Variants in PDGFC observed in about 807,000 individuals in gnomAD.
The protein encoded by PDGFC is platelet derived growth factor C, also known as platelet-derived growth factor C.
PDGFC carries 12 observed loss-of-function variants against 35.5 expected under a neutral mutation model. The ratio of observed to expected loss-of-function variants is 0.34; its 90% CI spans 0.22 to 0.55. PDGFC has a LOEUF of 0.55. Ranked by LOEUF, PDGFC falls within the 20% of genes least tolerant of loss-of-function variation. The probability of loss-of-function intolerance (pLI) is 0.91; values close to 1 mark genes in which losing one functional copy is unlikely to be tolerated. For synonymous variants in PDGFC, 159 were observed against 148.8 expected (o/e 1.07, Z -0.50); for missense variants, 322 against 412.4 (o/e 0.78, Z 1.90).
At chr4:156,953,576 A>G (rs763536140) in intron 1 of PDGFC, among the ~76,000 whole-genome samples, 51 of 151,988 alleles carry the variant, frequency 3.4e-4, no homozygotes, top group Non-Finnish European at 5.9e-4. Flanking sequence ...TGTACTCTCA[A>G]TAGTGGTTCT....
intron 3 of PDGFC, chr4:156,779,107 C>A: frequency 2.2e-6 from 1 of 456,104 alleles, no homozygotes. Flanking sequence ...GCCTAAGCAG[C>A]AGACAGGGCA....
At position 156,962,247 on chromosome 4, in the gene PDGFC, T is replaced by A. The variant is rs185513456; in HGVS notation, c.118+8539A>T. ...CTCGATGCTTCTTGTCTCTCGCCCATGATATATGCCTCTTCATGCCTCTAT... is the reference window on the plus strand; with the variant it reads ...CTCGATGCTTCTTGTCTCTCGCCCAAGATATATGCCTCTTCATGCCTCTAT... On this transcript the variant is annotated intron_variant, in intron 1 of 5. Transcript: ENST00000502773. Among the ~76,000 whole-genome samples the A allele has an allele frequency of 8.6e-4, 131 of 152,258 alleles. 1 individual carries two copies. Among genetic ancestry groups the A allele is most frequent in the African/African-American group, 2.9e-3 (120 of 41,568 alleles).
At chr4:156,926,596 G>C (rs1490817418) in intron 1 of PDGFC, among the ~76,000 whole-genome samples, 1 of 152,148 alleles carries the variant, frequency 6.6e-6, no homozygotes, top group Non-Finnish European at 1.5e-5. Flanking sequence ...AAATTCACTG[G>C]GCAGTCAAAT....
intron 1 of PDGFC, 150 bp from the exon 2 acceptor site, chr4:156,850,566 T>C: frequency 2.4e-6 from 1 of 424,202 alleles, no homozygotes; most frequent in Middle Eastern, 6.1e-4. Flanking sequence ...CCAGAACTGA[T>C]CCAGAAAAAA....
intron 1 of PDGFC, among the ~76,000 whole-genome samples, chr4:156,872,238 A>C (rs551364541): frequency 2.6e-5 from 4 of 152,318 alleles, no homozygotes; most frequent in South Asian, 4.1e-4. Context: ...GTATGTGTAC[A>C]TAAGCCCAAT....
rs962037510 is a variant in PDGFC at position 156,866,247 on chromosome 4, G to A, written c.119-15831C>T. On this transcript the variant is annotated intron_variant, in intron 1 of 5. Coordinates refer to ENST00000502773, the MANE Select transcript of PDGFC (RefSeq NM_016205.3). The stretch of plus-strand genomic sequence containing the variant: ...TTGCGATAGTTTGCTGAGAATGATG[G>A]TTTCCAGTTTCATCCATGTCCCTAC... Among the ~76,000 whole-genome samples the A allele has an allele frequency of 3.9e-5, 6 of 152,050 alleles. No homozygotes were observed. The East Asian group carries it at 1.2e-3, about 29-fold the overall frequency.
intron 1 of PDGFC, among the ~76,000 whole-genome samples, chr4:156,920,720 G>T (rs1230466695): frequency 6.6e-6 from 1 of 151,424 alleles, no homozygotes; most frequent in African/African-American, 2.4e-5. Flanking sequence ...TGTCCTGTGG[G>T]TTGGGAATAG....
At chr4:156,812,849 A>T (rs553624669) in intron 2 of PDGFC, among the ~76,000 whole-genome samples, 23 of 152,254 alleles carry the variant, frequency 1.5e-4, no homozygotes, top group African/African-American at 5.3e-4. Context: ...TTTGTCTCCC[A>T]TCTCTGTCCT....
chr4:156,827,144 A>G lies in PDGFC; in HGVS notation c.315-16127T>C, dbSNP rs985315349. Among the ~76,000 whole-genome samples, 7 of 152,322 alleles carry G rather than the reference A, an allele frequency of 4.6e-5. 1 individual carries two copies. The highest frequency in any genetic ancestry group is 4.1e-4 in the South Asian group (2 of 4,834). ...TTTAGTAAGAACAGATTGGCTGGGC[A>G]CAGTGGCACACGCCTGAAATTCCAG... On this transcript the variant is annotated intron_variant, in intron 2 of 5. Transcript: ENST00000502773.
chr4:156,826,484 G>A (rs1728755824), intron 2 of PDGFC, among the ~76,000 whole-genome samples: 1 of 152,026 alleles, frequency 6.6e-6, no homozygotes, highest in African/African-American at 2.4e-5. Flanking sequence ...GTACAGGAAT[G>A]AGCCACCATG....
rs1447907755 is a variant in PDGFC at position 156,971,500 on chromosome 4, G to C, written c.-597C>G. ...GGGCCGGGGCGCCGGAGCGGGGCCGGGGGGCTCCGGGCCGACGGCGGCCCG... is the reference window on the plus strand; with the variant it reads ...GGGCCGGGGCGCCGGAGCGGGGCCGCGGGGCTCCGGGCCGACGGCGGCCCG... On this transcript the variant is annotated 5_prime_UTR_variant, in exon 1 of 6. Transcript: ENST00000502773. The C allele has an allele frequency of 1.4e-5, 3 of 209,184 alleles. No homozygotes were observed. Among genetic ancestry groups the C allele is most frequent in the Non-Finnish European group, 1.9e-5 (2 of 107,044 alleles). 13.0% of individuals were successfully genotyped at this position (209,184 alleles called of 1,614,324 possible). A position where few individuals can be genotyped will look rare whatever the true frequency, so the allele number is the denominator to read the frequency against.
chr4:156,924,131 T>C (rs1353975959), intron 1 of PDGFC, among the ~76,000 whole-genome samples: 1 of 152,220 alleles, frequency 6.6e-6, no homozygotes, highest in Non-Finnish European at 1.5e-5. Flanking sequence ...CTCAATATGT[T>C]GGCCAAACGA....
intron 2 of PDGFC, among the ~76,000 whole-genome samples, chr4:156,813,939 G>A (rs542209743): frequency 6.6e-6 from 1 of 152,044 alleles, no homozygotes; most frequent in African/African-American, 2.4e-5. Flanking sequence ...AGATATCTTT[G>A]CTTACTTTAC....
intron 1 of PDGFC, among the ~76,000 whole-genome samples, chr4:156,851,234 A>T (rs888193074): frequency 2.0e-5 from 3 of 152,180 alleles, no homozygotes; most frequent in African/African-American, 7.2e-5. Context: ...AGATCAAAAT[A>T]ATGGTCTCAA....
intron 1 of PDGFC, among the ~76,000 whole-genome samples, chr4:156,894,217 A>G (rs1444038085): frequency 6.6e-6 from 1 of 152,222 alleles, no homozygotes; most frequent in Non-Finnish European, 1.5e-5. Context: ...ATTTTATCTT[A>G]GTAATCTTGA....
At chr4:156,884,598 A>G (rs1730330432) in intron 1 of PDGFC, among the ~76,000 whole-genome samples, 1 of 152,252 alleles carries the variant, frequency 6.6e-6, no homozygotes, top group African/African-American at 2.4e-5. Flanking sequence ...AAAGATGCAG[A>G]AGTAAAAGTA....
At chr4:156,936,742 C>T (rs927390156) in intron 1 of PDGFC, among the ~76,000 whole-genome samples, 3 of 152,046 alleles carry the variant, frequency 2.0e-5, no homozygotes, top group African/African-American at 4.8e-5. Context: ...ATGGAGTAGA[C>T]GAATGGAAGA....
At position 156,971,166 on chromosome 4, in the gene PDGFC, G is replaced by A; in HGVS notation, c.-263C>T. 3 of 421,254 alleles carry A rather than the reference G, an allele frequency of 7.1e-6. No individual in the cohort carries two copies. Among genetic ancestry groups the A allele is most frequent in the Middle Eastern group, 1.2e-3 (2 of 1,670 alleles). 26.1% of individuals were successfully genotyped at this position (421,254 alleles called of 1,614,324 possible). ...TTCCCAAGGTTTAAACAAATCCTGAGCTGTGGCGAAGTGGTGGGGGTGGGG... is the reference window on the plus strand; with the variant it reads ...TTCCCAAGGTTTAAACAAATCCTGAACTGTGGCGAAGTGGTGGGGGTGGGG... On this transcript the variant is annotated 5_prime_UTR_variant, in exon 1 of 6. Transcript: ENST00000502773.
At chr4:156,929,288 A>T (rs1262152114) in intron 1 of PDGFC, among the ~76,000 whole-genome samples, 1 of 152,198 alleles carries the variant, frequency 6.6e-6, no homozygotes, top group African/African-American at 2.4e-5. Flanking sequence ...TTGTAAAGAA[A>T]TTTTATCAGT....
Sources: allele counts gnomAD v4.1 joint callset (sites outside exome capture counted in the v4.1 genomes callset), GRCh38; gene constraint gnomAD v4.1.1; transcripts MANE v1.5; gene names NCBI Gene and HGNC (gene_info 2026-07-23, HGNC 2026-07-21).